Variants in PRDM5 observed in about 807,000 individuals in gnomAD.
PRDM5 encodes PR domain zinc finger protein 5.
In PRDM5, 56 loss-of-function variants were observed where a neutral mutation model predicts 81.2. That is an observed-to-expected ratio of 0.69 (90% CI 0.56 to 0.86). The LOEUF (loss-of-function observed/expected upper bound fraction) is 0.86. Ranked by LOEUF, PRDM5 falls within the 40% of genes least tolerant of loss-of-function variation. The pLI, the probability that PRDM5 is intolerant of heterozygous loss-of-function variation, is 0.00. For missense variants in PRDM5, 697 were observed against 770.1 expected, an observed-to-expected ratio of 0.91 and a Z score of 1.12; for synonymous variants, 267 against 256.4, an observed-to-expected ratio of 1.04 and a Z score of -0.39.
chr4:120,845,102 G>C (rs990188859), intron 3 of PRDM5, among the ~76,000 whole-genome samples: 3 of 152,204 alleles, frequency 2.0e-5, no homozygotes, highest in Admixed American at 6.5e-5. Context: ...GAATTATGAG[G>C]TCTAAGGAAA....
chr4:120,828,902 T>C (rs953508257), intron 3 of PRDM5, among the ~76,000 whole-genome samples: 4 of 152,064 alleles, frequency 2.6e-5, no homozygotes, highest in African/African-American at 9.7e-5. Context: ...TTATCATCAG[T>C]ACTCTTATTT....
At chr4:120,805,087 A>T (rs1421032939) in intron 8 of PRDM5, among the ~76,000 whole-genome samples, 1 of 152,240 alleles carries the variant, frequency 6.6e-6, no homozygotes, top group Non-Finnish European at 1.5e-5. Context: ...ACGCAAATAA[A>T]CTAGAAAATC....
At chr4:120,873,006 TA>T (rs1458494567) in intron 2 of PRDM5, among the ~76,000 whole-genome samples, 6 of 149,792 alleles carry the variant, frequency 4.0e-5, no homozygotes, top group African/African-American at 1.2e-4. Flanking sequence ...CCATATTTTT[TA>T]TTTTATTTTT....
At chr4:120,921,880 C>T (rs558589127) in intron 1 of PRDM5, among the ~76,000 whole-genome samples, 3 of 151,680 alleles carry the variant, frequency 2.0e-5, no homozygotes, top group South Asian at 4.2e-4. Flanking sequence ...AAAAAAAGAG[C>T]GGAGAAAAAA....
intron 13 of PRDM5, among the ~76,000 whole-genome samples, chr4:120,772,306 T>C (rs1049678161): frequency 6.6e-6 from 1 of 152,242 alleles, no homozygotes; most frequent in Non-Finnish European, 1.5e-5. Flanking sequence ...TCTTTTGCTA[T>C]CTGCAGGCAA....
intron 14 of PRDM5, among the ~76,000 whole-genome samples, chr4:120,713,895 G>A (rs1326103783): frequency 6.6e-6 from 1 of 152,108 alleles, no homozygotes; most frequent in Non-Finnish European, 1.5e-5. Flanking sequence ...CCTTTTCTGG[G>A]TTGTGAATTC....
rs112965051 is a variant in PRDM5, at chr4:120,816,233, T to C, written c.865+220A>G. The stretch of plus-strand genomic sequence containing the variant: ...AGACTTTAACTAAGGCTTACAGTTA[T>C]AATTAATTCAGGAATGGGAAAAAGA... On this transcript the variant is annotated intron_variant, in intron 7 of 15. Coordinates refer to ENST00000264808, the MANE Select transcript of PRDM5 (RefSeq NM_018699.4). 2,266 of 690,296 alleles carry C rather than the reference T, an allele frequency of 3.3e-3. 46 individuals carry two copies. The African/African-American group carries it at 0.035, about 11-fold the overall frequency. The allele number at this position is 690,296 out of a possible 1,614,324, so 42.8% of individuals were successfully genotyped here.
At chr4:120,746,339 A>T (rs1339825137) in intron 14 of PRDM5, among the ~76,000 whole-genome samples, 3 of 147,598 alleles carry the variant, frequency 2.0e-5, no homozygotes, top group African/African-American at 7.5e-5. Context: ...CCTAGAAGAA[A>T]ACCTAGGCAT....
intron 1 of PRDM5, among the ~76,000 whole-genome samples, chr4:120,910,776 T>C (rs778946704): frequency 6.6e-6 from 1 of 152,216 alleles, no homozygotes. Context: ...CTTAGTAAAT[T>C]AAACACCTAG....
intron 14 of PRDM5, among the ~76,000 whole-genome samples, chr4:120,744,719 A>G (rs1013498922): frequency 2.0e-5 from 3 of 151,478 alleles, no homozygotes; most frequent in African/African-American, 4.9e-5. Flanking sequence ...CACTCTCCCA[A>G]GACTAAACCA....
At chr4:120,732,297 T>C (rs1293198999) in intron 14 of PRDM5, among the ~76,000 whole-genome samples, 1 of 152,230 alleles carries the variant, frequency 6.6e-6, no homozygotes, top group African/African-American at 2.4e-5. Flanking sequence ...TAGTATATAA[T>C]GATCAATAAA....
rs1218215241 is a variant in PRDM5, at chr4:120,691,957, T to TA, written c.*3153dup. On this transcript the variant is annotated 3_prime_UTR_variant, in exon 16 of 16. Coordinates refer to ENST00000264808, the MANE Select transcript of PRDM5 (RefSeq NM_018699.4). ...TATTTATTATAGATTTATAATAAAA[T>TA]AAAAAATGCTATTGGAATTCTATAT... The TA allele has an allele frequency of 6.6e-6, 1 of 151,886 alleles. No individual in the cohort carries two copies. The highest frequency in any genetic ancestry group is 1.5e-5 in the Non-Finnish European group (1 of 67,908). The allele number at this position is 151,886 out of a possible 1,614,324, so 9.4% of individuals were successfully genotyped here.
chr4:120,834,921 T>C (rs530073597), intron 3 of PRDM5, among the ~76,000 whole-genome samples: 6 of 152,332 alleles, frequency 3.9e-5, no homozygotes, highest in African/African-American at 1.4e-4. Flanking sequence ...CTGGCTCTCA[T>C]GCCTTTAAAT....
intron 1 of PRDM5, among the ~76,000 whole-genome samples, chr4:120,913,699 G>T (rs1187512647): frequency 6.6e-6 from 1 of 152,286 alleles, no homozygotes; most frequent in South Asian, 2.1e-4. Flanking sequence ...TGAAGCCTTA[G>T]GTTCTGGCAG....
At chr4:120,750,722 G>A (rs368496428) in intron 14 of PRDM5, among the ~76,000 whole-genome samples, 19 of 134,436 alleles carry the variant, frequency 1.4e-4, no homozygotes, top group South Asian at 6.8e-4. Context: ...ACACACACGC[G>A]CACACAAAAC....
chr4:120,799,527 T>C (rs1447662984), intron 9 of PRDM5, 134 bp downstream of exon 9: 1 of 1,359,402 alleles, frequency 7.4e-7, no homozygotes, highest in African/African-American at 1.5e-5. Context: ...TTGTTCAGAA[T>C]CACATGACTA....
chr4:120,859,551 T>C (rs1479814241), intron 2 of PRDM5, among the ~76,000 whole-genome samples: 1 of 152,056 alleles, frequency 6.6e-6, no homozygotes, highest in Non-Finnish European at 1.5e-5. Flanking sequence ...GGAACAAACA[T>C]AGTACTTTCA....
chr4:120,785,166 T>G lies in PRDM5; in HGVS notation c.1189-75A>C, dbSNP rs1433152254. On this transcript the variant is annotated intron_variant, in intron 10 of 15. Coordinates refer to ENST00000264808, the MANE Select transcript of PRDM5 (RefSeq NM_018699.4). ...TACAATGAACGAGTGGAGCTTGGAT[T>G]CATGATGCGAAAGAGGAAAGAAGGG... is the stretch of plus-strand genomic sequence containing the variant. 13 of 1,138,232 alleles carry G rather than the reference T, an allele frequency of 1.1e-5. No individual in the cohort carries two copies. In the South Asian group the frequency reaches 1.6e-4, roughly 14 times the overall value. 70.5% of individuals were successfully genotyped at this position (1,138,232 alleles called of 1,614,324 possible). A position where few individuals can be genotyped will look rare whatever the true frequency, so the allele number is the denominator to read the frequency against.
intron 2 of PRDM5, among the ~76,000 whole-genome samples, chr4:120,891,827 G>A (rs574730225): frequency 3.3e-5 from 5 of 152,092 alleles, no homozygotes; most frequent in South Asian, 4.2e-4. Flanking sequence ...ACAGGGTTTC[G>A]TTATGTTGGC....
Sources: gnomAD v4.1 joint callset for allele counts (sites outside exome capture counted in the v4.1 genomes callset) on GRCh38, gnomAD v4.1.1 for gene constraint, MANE v1.5 for transcripts, NCBI Gene and HGNC (gene_info 2026-07-23, HGNC 2026-07-21) for gene names.